The following MARCHF10 variants were observed in gnomAD, a reference collection of about 807,000 sequenced individuals.
MARCHF10 encodes the protein membrane associated ring-CH-type finger 10, also known as probable E3 ubiquitin-protein ligase MARCHF10.
Under a neutral mutation model 76.2 loss-of-function variants are expected in MARCHF10, and 64 were observed. The ratio of observed to expected loss-of-function variants is 0.84; its 90% CI spans 0.69 to 1.03. The LOEUF (loss-of-function observed/expected upper bound fraction) is 1.03. Ranked by LOEUF, MARCHF10 falls within the 50% of genes least tolerant of loss-of-function variation. The pLI is 0.00. For synonymous variants in MARCHF10, 340 were observed against 357.5 expected (o/e 0.95, Z 0.55); for missense variants, 875 against 958.0 (o/e 0.91, Z 1.14).
chr17:62,720,485 T>C (rs1008828897), intron 8 of MARCHF10, among the ~76,000 whole-genome samples: 1 of 152,236 alleles, frequency 6.6e-6, no homozygotes, highest in African/African-American at 2.4e-5. Flanking sequence ...ATTTCCCTTC[T>C]TCCAGTTAGG....
At chr17:62,759,179 G>C (rs2092126710) in intron 4 of MARCHF10, among the ~76,000 whole-genome samples, 1 of 152,196 alleles carries the variant, frequency 6.6e-6, no homozygotes, top group Non-Finnish European at 1.5e-5. Flanking sequence ...GTATTTGAAA[G>C]CTTCTCTTTA....
At chr17:62,716,418 AG>A (rs1263222272) in intron 8 of MARCHF10, among the ~76,000 whole-genome samples, 2 of 150,488 alleles carry the variant, frequency 1.3e-5, no homozygotes, top group African/African-American at 2.5e-5. Flanking sequence ...AAAGTGAGAC[AG>A]ACCCCATCTC....
At chr17:62,735,798 A>C in intron 6 of MARCHF10, 133 bp downstream of exon 6, 1 of 762,516 alleles carries the variant, frequency 1.3e-6, no homozygotes, top group Non-Finnish European at 2.0e-6. Flanking sequence ...CAATTTTCTC[A>C]AAATAAGCAA....
chr17:62,767,828 TA>T (rs1285089548), intron 3 of MARCHF10, among the ~76,000 whole-genome samples: 2 of 152,284 alleles, frequency 1.3e-5, no homozygotes, highest in East Asian at 3.9e-4. Flanking sequence ...TCTAAATCGC[TA>T]AGAGTTGAAG....
At chr17:62,806,946 A>G (rs1306414682) in intron 1 of MARCHF10, among the ~76,000 whole-genome samples, 1 of 152,254 alleles carries the variant, frequency 6.6e-6, no homozygotes, top group African/African-American at 2.4e-5. Flanking sequence ...AGACATCACT[A>G]AAGTTAATAT....
intron 4 of MARCHF10, among the ~76,000 whole-genome samples, chr17:62,759,349 C>A (rs1974598): frequency 0.52 from 78,652 of 152,038 alleles, 21,415 homozygotes; most frequent in East Asian, 0.7. Context: ...ACGATTCATG[C>A]CTCTTTGACC....
At chr17:62,739,445 C>T (rs1403905819) in intron 5 of MARCHF10, among the ~76,000 whole-genome samples, 2 of 149,530 alleles carry the variant, frequency 1.3e-5, no homozygotes, top group African/African-American at 4.9e-5. Flanking sequence ...GGTGCGATCT[C>T]GGCTCGGCTC....
At chr17:62,773,830 T>G (rs770106490) in intron 3 of MARCHF10, among the ~76,000 whole-genome samples, 1 of 152,194 alleles carries the variant, frequency 6.6e-6, no homozygotes, top group Non-Finnish European at 1.5e-5. Context: ...GGGGCAGCAC[T>G]GAGGAATTCC....
chr17:62,789,388 G>T, intron 2 of MARCHF10, among the ~76,000 whole-genome samples: 1 of 152,154 alleles, frequency 6.6e-6, no homozygotes, highest in East Asian at 1.9e-4. Context: ...TGGCAAAACC[G>T]ACTGATCTAC....
chr17:62,779,915 G>A (rs904752863), intron 3 of MARCHF10, among the ~76,000 whole-genome samples: 1 of 152,180 alleles, frequency 6.6e-6, no homozygotes, highest in African/African-American at 2.4e-5. Context: ...TGGCCAACAT[G>A]GCAAGACCCT....
intron 3 of MARCHF10, among the ~76,000 whole-genome samples, chr17:62,765,288 G>A (rs769530891): frequency 1.8e-4 from 27 of 146,118 alleles, no homozygotes; most frequent in Non-Finnish European, 3.7e-4. Flanking sequence ...GGAGGCAGAG[G>A]TTGTAGTGAG....
intron 6 of MARCHF10, among the ~76,000 whole-genome samples, chr17:62,732,142 A>G (rs1568125268): frequency 6.6e-6 from 1 of 152,210 alleles, no homozygotes; most frequent in African/African-American, 2.4e-5. Flanking sequence ...AGAAGACACA[A>G]ACAAAAGGAG....
At position 62,724,229 on chromosome 17, in the gene MARCHF10, C is replaced by T. The variant is rs1217973216; in HGVS notation, c.2104+709G>A. On this transcript the variant is annotated intron_variant, in intron 7 of 10. Transcript: ENST00000311269. Reference sequence around the variant, plus strand: ...CTTAAAGTTGATCTCATTCCTAAAGCCATGCTTTAAAGAAACCTTCTGTTC... The same window carrying T: ...CTTAAAGTTGATCTCATTCCTAAAGTCATGCTTTAAAGAAACCTTCTGTTC... Among the ~76,000 whole-genome samples, 5 of 149,374 alleles carry T rather than the reference C, an allele frequency of 3.3e-5. No individual in the cohort carries two copies. The East Asian group carries it at 9.8e-4, about 29-fold the overall frequency.
chr17:62,717,567 G>T (rs2090275286), intron 8 of MARCHF10, among the ~76,000 whole-genome samples: 1 of 152,230 alleles, frequency 6.6e-6, no homozygotes, highest in Admixed American at 6.5e-5. Context: ...CCCATGGGAG[G>T]CCCCGGCAGG....
chr17:62,805,749 T>G (rs1459626322), intron 1 of MARCHF10, among the ~76,000 whole-genome samples: 1 of 151,910 alleles, frequency 6.6e-6, no homozygotes, highest in African/African-American at 2.4e-5. Flanking sequence ...CCATCTTTAC[T>G]AAAAATACAA....
At chr17:62,779,989 C>T (rs1170098268) in intron 3 of MARCHF10, among the ~76,000 whole-genome samples, 2 of 151,984 alleles carry the variant, frequency 1.3e-5, no homozygotes, top group Non-Finnish European at 2.9e-5. Context: ...CCCAGCTATG[C>T]GGGAGGCTGA....
At chr17:62,723,841 TGGATA>T (rs1433896255) in intron 7 of MARCHF10, among the ~76,000 whole-genome samples, 1 of 152,178 alleles carries the variant, frequency 6.6e-6, no homozygotes, top group Admixed American at 6.5e-5. Context: ...GCTCGTTATA[TGGATA>T]TGCGTTTAAG....
chr17:62,781,571 T>C (rs1460446214), intron 3 of MARCHF10, among the ~76,000 whole-genome samples: 1 of 152,208 alleles, frequency 6.6e-6, no homozygotes, highest in Non-Finnish European at 1.5e-5. Context: ...TATTGCTTCA[T>C]CTTGGACTTA....
chr17:62,793,868 T>C (rs1598060250), intron 2 of MARCHF10, among the ~76,000 whole-genome samples: 1 of 115,858 alleles, frequency 8.6e-6, no homozygotes, highest in Non-Finnish European at 1.8e-5. Flanking sequence ...ACCACGTCCA[T>C]CAACCACCAC....
Sources: allele counts gnomAD v4.1 joint callset (sites outside exome capture counted in the v4.1 genomes callset), GRCh38; gene constraint gnomAD v4.1.1; transcripts MANE v1.5; gene names NCBI Gene and HGNC (gene_info 2026-07-23, HGNC 2026-07-21).